Variants in GABRB3 observed in about 807,000 individuals in gnomAD.
The protein encoded by GABRB3 is gamma-aminobutyric acid type A receptor subunit beta3.
GABRB3 carries 14 observed loss-of-function variants against 52.1 expected under a neutral mutation model. That is an observed-to-expected ratio of 0.27 (90% CI 0.18 to 0.42). The LOEUF (loss-of-function observed/expected upper bound fraction) is 0.42, where lower values mean the gene tolerates loss of function less well. Among genes scored for constraint, GABRB3 ranks in the 10% least tolerant of loss-of-function variants. The pLI, the probability that GABRB3 is intolerant of heterozygous loss-of-function variation, is 1.00. For synonymous variants in GABRB3, 260 were observed against 232.3 expected, an observed-to-expected ratio of 1.12 and a Z score of -1.08; for missense variants, 307 against 609.1, an observed-to-expected ratio of 0.50 and a Z score of 5.22.
chr15:26,760,778 C>T (rs1008036364), intron 3 of GABRB3, among the ~76,000 whole-genome samples: 9 of 150,540 alleles, frequency 6.0e-5, no homozygotes, highest in African/African-American at 2.0e-4. Flanking sequence ...GTTTTCTCTG[C>T]TTCTAAATGC....
chr15:26,634,871 C>T (rs1893004705), intron 3 of GABRB3, among the ~76,000 whole-genome samples: 1 of 146,406 alleles, frequency 6.8e-6, no homozygotes, highest in Admixed American at 6.8e-5. Flanking sequence ...TATATACACA[C>T]ATATTTATAG....
At chr15:26,563,098 T>C (rs1234509683) in intron 7 of GABRB3, among the ~76,000 whole-genome samples, 1 of 152,308 alleles carries the variant, frequency 6.6e-6, no homozygotes, top group East Asian at 1.9e-4. Context: ...CCCCTTCAAC[T>C]TGGATTTGGG....
chr15:26,687,007 A>G (rs1400988152), intron 3 of GABRB3, among the ~76,000 whole-genome samples: 2 of 152,254 alleles, frequency 1.3e-5, no homozygotes, highest in Admixed American at 6.5e-5. Context: ...CTGGTGCACC[A>G]TGGGGCTCCA....
chr15:26,674,063 C>CT (rs902386600), intron 3 of GABRB3, among the ~76,000 whole-genome samples: 16 of 151,880 alleles, frequency 1.1e-4, no homozygotes, highest in African/African-American at 3.6e-4. Context: ...ATTTAACCCC[C>CT]CCCTTTTTTT....
rs1891197224 is a variant in GABRB3, at chr15:26,772,971, C to T, written c.-9G>A. 7.1e-7 allele frequency: 1 copy of T among 1,414,114 alleles called. No homozygotes were observed. The allele number at this position is 1,414,114 out of a possible 1,614,324, so 87.6% of individuals were successfully genotyped here. On this transcript the variant is annotated 5_prime_UTR_variant, in exon 1 of 9. Coordinates refer to ENST00000311550, the MANE Select transcript of GABRB3 (RefSeq NM_000814.6). ...CCCGCAAGGCCCCACATCCCTCCGCCGCGCCCCGGCACGGGGGAGGGGGCG... is the reference window on the plus strand; with the variant it reads ...CCCGCAAGGCCCCACATCCCTCCGCTGCGCCCCGGCACGGGGGAGGGGGCG...
chr15:26,563,758 G>C lies in GABRB3; in HGVS notation c.836-2582C>G, dbSNP rs570944884. Among the ~76,000 whole-genome samples, 9 of 152,294 alleles carry C rather than the reference G, an allele frequency of 5.9e-5. No individual in the cohort carries two copies. In the South Asian group the frequency reaches 1.9e-3, roughly 32 times the overall value. ...CTCTCTAAAGGGAAATCATCCAGCT[G>C]CAGTACAGGAAATGGCTGGGTGGTG... is the stretch of plus-strand genomic sequence containing the variant. On this transcript the variant is annotated intron_variant, in intron 7 of 8. Coordinates refer to ENST00000311550, the MANE Select transcript of GABRB3 (RefSeq NM_000814.6).
chr15:26,578,927 T>C (rs1890689497), intron 6 of GABRB3, among the ~76,000 whole-genome samples: 1 of 152,242 alleles, frequency 6.6e-6, no homozygotes, highest in African/African-American at 2.4e-5. Context: ...CATTTCTCCC[T>C]GAGGTAAACC....
chr15:26,547,265 G>C lies in GABRB3; in HGVS notation c.*528C>G, dbSNP rs1218826625. ...CCAAGAAGCCTTTGCTTACTAAACT[G>C]AACGAGAGGATATGAAGTAAGTGAC... On this transcript the variant is annotated 3_prime_UTR_variant, in exon 9 of 9. Transcript: ENST00000311550. 1.7e-5 allele frequency: 6 copies of C among 349,888 alleles called. No individual in the cohort carries two copies. The East Asian group carries it at 2.1e-4, about 12-fold the overall frequency. 21.7% of individuals were successfully genotyped at this position (349,888 alleles called of 1,614,324 possible). A position where few individuals can be genotyped will look rare whatever the true frequency, so the allele number is the denominator to read the frequency against.
chr15:26,685,817 G>T (rs66690993), intron 3 of GABRB3, among the ~76,000 whole-genome samples: 27,184 of 105,780 alleles, frequency 0.26, 2,771 homozygotes, highest in Middle Eastern at 0.33. Flanking sequence ...TTTTTTTTTT[G>T]CCCTAGAGAC....
chr15:26,709,625 C>T (rs1889228157), intron 3 of GABRB3, among the ~76,000 whole-genome samples: 3 of 144,966 alleles, frequency 2.1e-5, no homozygotes, highest in Middle Eastern at 7.8e-3. Flanking sequence ...TCATGCCATT[C>T]TCCTGCCTCA....
chr15:26,583,668 G>A (rs1890869599), intron 4 of GABRB3, among the ~76,000 whole-genome samples: 1 of 150,758 alleles, frequency 6.6e-6, no homozygotes, highest in Admixed American at 6.6e-5. Context: ...TTTATTTTTT[G>A]ATTGACATAA....
chr15:26,692,009 C>A (rs1213387512), intron 3 of GABRB3, among the ~76,000 whole-genome samples: 7 of 152,190 alleles, frequency 4.6e-5, no homozygotes, highest in Non-Finnish European at 8.8e-5. Context: ...TTTACTGATT[C>A]TTCTCAGTAG....
intron 3 of GABRB3, among the ~76,000 whole-genome samples, chr15:26,655,394 G>C (rs942516616): frequency 6.6e-6 from 1 of 152,068 alleles, no homozygotes; most frequent in Non-Finnish European, 1.5e-5. Flanking sequence ...TTATTATTTT[G>C]TAGGATGCAG....
At chr15:26,578,335 C>T (rs967123155) in intron 6 of GABRB3, among the ~76,000 whole-genome samples, 5 of 152,134 alleles carry the variant, frequency 3.3e-5, no homozygotes, top group South Asian at 2.1e-4. Context: ...GGAGCTCTTG[C>T]GCTACACCCA....
At chr15:26,654,025 G>C (rs1447828153) in intron 3 of GABRB3, among the ~76,000 whole-genome samples, 1 of 152,088 alleles carries the variant, frequency 6.6e-6, no homozygotes, top group African/African-American at 2.4e-5. Flanking sequence ...AAGAACACCA[G>C]GAAATAATAC....
chr15:26,666,444 G>T (rs1887713739), intron 3 of GABRB3: 1 of 152,218 alleles, frequency 6.6e-6, no homozygotes, highest in Admixed American at 6.5e-5. Context: ...GGTGAAGTAA[G>T]GGGAGGCCGA....
At chr15:26,628,799 C>T (rs1184998547) in intron 3 of GABRB3, among the ~76,000 whole-genome samples, 2 of 152,194 alleles carry the variant, frequency 1.3e-5, no homozygotes, top group Non-Finnish European at 2.9e-5. Context: ...GGTGACCCCC[C>T]CAGGGTAGCT....
At chr15:26,749,439 T>C (rs1440027748) in intron 3 of GABRB3, among the ~76,000 whole-genome samples, 1 of 152,206 alleles carries the variant, frequency 6.6e-6, no homozygotes, top group Admixed American at 6.5e-5. Context: ...AGACTCATGG[T>C]ATGGTTTATC....
At chr15:26,681,996 G>A (rs1888255423) in intron 3 of GABRB3, among the ~76,000 whole-genome samples, 2 of 152,004 alleles carry the variant, frequency 1.3e-5, no homozygotes, top group Admixed American at 1.3e-4. Context: ...TCACAGCATT[G>A]CTAACTACTT....
Sources: gnomAD v4.1 joint callset for allele counts (sites outside exome capture counted in the v4.1 genomes callset) on GRCh38, gnomAD v4.1.1 for gene constraint, MANE v1.5 for transcripts, NCBI Gene and HGNC (gene_info 2026-07-23, HGNC 2026-07-21) for gene names.